The following GPR137C variants were observed in gnomAD, a reference collection of about 807,000 sequenced individuals.
The protein encoded by GPR137C is G protein-coupled receptor 137C, also known as integral membrane protein GPR137C.
GPR137C carries 27 observed loss-of-function variants against 43.4 expected under a neutral mutation model. The ratio of observed to expected loss-of-function variants is 0.62; its 90% CI spans 0.46 to 0.86. The LOEUF is 0.86. Among genes scored for constraint, GPR137C ranks in the 40% least tolerant of loss-of-function variants. GPR137C has a pLI of 0.00. For missense variants in GPR137C, 522 were observed against 534.6 expected (o/e 0.98, Z 0.23); for synonymous variants, 285 against 226.9 (o/e 1.26, Z -2.30).
At position 52,595,716 on chromosome 14, in the gene GPR137C, G is replaced by A. The variant is rs377681889; in HGVS notation, c.445-2556G>A. On this transcript the variant is annotated intron_variant, in intron 1 of 6. Coordinates refer to ENST00000321662, the MANE Select transcript of GPR137C (RefSeq NM_001099652.2). ...CACTGTTTATTCTAGTTAGCCATTC[G>A]CCTGACCTTTTTTCAAGGTTTTTTG... Among the ~76,000 whole-genome samples the A allele has an allele frequency of 3.7e-4, 57 of 152,156 alleles. 1 individual carries two copies. In the East Asian group the frequency reaches 7.9e-3, roughly 21 times the overall value.
At chr14:52,627,204 G>A (rs1333831400) in intron 3 of GPR137C, among the ~76,000 whole-genome samples, 1 of 151,732 alleles carries the variant, frequency 6.6e-6, no homozygotes, top group Non-Finnish European at 1.5e-5. Flanking sequence ...ACCAGCCTTG[G>A]CAATGTAGTG....
chr14:52,571,272 A>T (rs979288471), intron 1 of GPR137C, among the ~76,000 whole-genome samples: 1 of 152,192 alleles, frequency 6.6e-6, no homozygotes, highest in African/African-American at 2.4e-5. Flanking sequence ...GAAGTGAATA[A>T]GTTCTTTGAA....
chr14:52,563,107 T>G (rs2038311193), intron 1 of GPR137C, among the ~76,000 whole-genome samples: 1 of 152,188 alleles, frequency 6.6e-6, no homozygotes, highest in African/African-American at 2.4e-5. Flanking sequence ...CTCATTCAAA[T>G]TAACTTCTCA....
chr14:52,568,175 G>A (rs1054573479), intron 1 of GPR137C, among the ~76,000 whole-genome samples: 13 of 152,114 alleles, frequency 8.5e-5, no homozygotes, highest in Non-Finnish European at 1.3e-4. Flanking sequence ...AGGGTGGGGC[G>A]TCACCTCACC....
rs1303040551 is a variant in GPR137C at position 52,615,471 on chromosome 14, T to G, written c.717+15130T>G. Among the ~76,000 whole-genome samples the G allele has an allele frequency of 3.3e-5, 5 of 151,770 alleles. No individual in the cohort carries two copies. In the South Asian group the frequency reaches 6.3e-4, roughly 19 times the overall value. ...TGGTTCCATATACATTTTAGGGTTTTTTTTTTTTTTGGTCATTTCTGTGAA... is the reference window on the plus strand; with the variant it reads ...TGGTTCCATATACATTTTAGGGTTTGTTTTTTTTTTGGTCATTTCTGTGAA... On this transcript the variant is annotated intron_variant, in intron 3 of 6. Coordinates refer to ENST00000321662, the MANE Select transcript of GPR137C (RefSeq NM_001099652.2).
intron 3 of GPR137C, among the ~76,000 whole-genome samples, chr14:52,626,715 G>A (rs532078237): frequency 3.3e-5 from 5 of 152,142 alleles, no homozygotes; most frequent in African/African-American, 1.2e-4. Flanking sequence ...ATTGTTTAAG[G>A]AGAACATCTT....
rs752625898 is a variant in GPR137C, at chr14:52,577,514, G to GCACACACACACACACACA, written c.445-20757_445-20756insACACACACACACACACAC. 3.6e-3 allele frequency among the ~76,000 whole-genome samples: 423 copies of GCACACACACACACACACA among 118,494 alleles called. 2 individuals carry two copies. The highest frequency in any genetic ancestry group is 5.2e-3 in the Non-Finnish European group (294 of 56,692). The allele number at this position is 118,494 out of a possible 152,430, so 77.7% of individuals were successfully genotyped here. On this transcript the variant is annotated intron_variant, in intron 1 of 6. Coordinates refer to ENST00000321662, the MANE Select transcript of GPR137C (RefSeq NM_001099652.2). ...ACCAAACATGCACGCGTGCGCGCGCGCGCACACACACACACACACACACAC... is the reference window on the plus strand; with the variant it reads ...ACCAAACATGCACGCGTGCGCGCGCGCACACACACACACACACACGCACACACACACACACACACACAC...
intron 1 of GPR137C, among the ~76,000 whole-genome samples, chr14:52,587,674 G>A (rs777493460): frequency 9.9e-5 from 15 of 152,210 alleles, no homozygotes; most frequent in Admixed American, 6.5e-5. Context: ...AGAGGCTGAG[G>A]CAGGAGAATT....
At chr14:52,584,801 A>G (rs1352016208) in intron 1 of GPR137C, among the ~76,000 whole-genome samples, 1 of 152,108 alleles carries the variant, frequency 6.6e-6, no homozygotes, top group African/African-American at 2.4e-5. Flanking sequence ...GAGCCTTGCT[A>G]TGCTGACCAG....
chr14:52,581,546 A>AG (rs1301527712), intron 1 of GPR137C, among the ~76,000 whole-genome samples: 1 of 151,846 alleles, frequency 6.6e-6, no homozygotes, highest in Non-Finnish European at 1.5e-5. Context: ...AAAAAAAAAA[A>AG]GAAAGAAAGT....
intron 1 of GPR137C, among the ~76,000 whole-genome samples, chr14:52,574,483 T>A (rs1366764890): frequency 6.6e-6 from 1 of 151,964 alleles, no homozygotes; most frequent in Non-Finnish European, 1.5e-5. Context: ...AACCAAACAC[T>A]GCACATTCTC....
At chr14:52,583,742 C>T (rs2038678273) in intron 1 of GPR137C, among the ~76,000 whole-genome samples, 1 of 151,672 alleles carries the variant, frequency 6.6e-6, no homozygotes, top group African/African-American at 2.4e-5. Flanking sequence ...ATAACTTCCA[C>T]CTTCCTGGAT....
At chr14:52,596,724 C>T (rs2038860952) in intron 1 of GPR137C, among the ~76,000 whole-genome samples, 1 of 152,230 alleles carries the variant, frequency 6.6e-6, no homozygotes, top group Non-Finnish European at 1.5e-5. Flanking sequence ...CAGGTACAGT[C>T]TGTCACGGCT....
intron 1 of GPR137C, among the ~76,000 whole-genome samples, chr14:52,568,684 A>G (rs955713294): frequency 1.3e-5 from 2 of 152,240 alleles, no homozygotes; most frequent in African/African-American, 4.8e-5. Flanking sequence ...CCTGGAAGTT[A>G]GAACTGGGCG....
At chr14:52,566,312 TA>T (rs1403830863) in intron 1 of GPR137C, among the ~76,000 whole-genome samples, 2 of 152,240 alleles carry the variant, frequency 1.3e-5, no homozygotes, top group Admixed American at 6.5e-5. Context: ...AATATTTTCT[TA>T]AAAATTTGTA....
chr14:52,598,272 GT>G lies in GPR137C; in HGVS notation c.447del (p.Ile150TyrfsTer22). ...TTTTTTTTTTATATTCTCTTTATAG[GT>G]TATATGTAAAGTCAGATGTGCCACT... ...LCLLNLYLAE[V>X]ICKVRCATEL... On this transcript the variant is annotated frameshift_variant and splice_region_variant, in exon 2 of 7. Transcript: ENST00000321662. LOFTEE classifies it high-confidence loss of function. 7.6e-7 allele frequency: 1 copy of G among 1,323,746 alleles called. No individual in the cohort carries two copies. The highest frequency in any genetic ancestry group is 1.0e-6 in the Non-Finnish European group (1 of 963,650). The allele number at this position is 1,323,746 out of a possible 1,614,324, so 82.0% of individuals were successfully genotyped here. A position where few individuals can be genotyped will look rare whatever the true frequency, so the allele number is the denominator to read the frequency against.
intron 1 of GPR137C, among the ~76,000 whole-genome samples, chr14:52,577,429 AAC>A (rs2038574215): frequency 6.6e-6 from 1 of 151,990 alleles, no homozygotes; most frequent in Non-Finnish European, 1.5e-5. Context: ...GAACTGGAAA[AAC>A]AAGAACAAAC....
chr14:52,617,677 T>TCAAACAAA (rs569372693), intron 3 of GPR137C, among the ~76,000 whole-genome samples: 2 of 152,048 alleles, frequency 1.3e-5, no homozygotes, highest in African/African-American at 4.8e-5. Context: ...AGAGTCCTTC[T>TCAAACAAA]CAAACAAACA....
At chr14:52,603,088 C>T (rs2038945156) in intron 3 of GPR137C, among the ~76,000 whole-genome samples, 1 of 152,158 alleles carries the variant, frequency 6.6e-6, no homozygotes, top group African/African-American at 2.4e-5. Flanking sequence ...AACTTCTCTT[C>T]ATCCTCCCCT....
Sources: gnomAD v4.1 joint callset for allele counts (sites outside exome capture counted in the v4.1 genomes callset) on GRCh38, gnomAD v4.1.1 for gene constraint, MANE v1.5 for transcripts, NCBI Gene and HGNC (gene_info 2026-07-23, HGNC 2026-07-21) for gene names.